The following ALDH1A2 variants were observed in gnomAD, a reference collection of about 807,000 sequenced individuals.
ALDH1A2 encodes aldehyde dehydrogenase 1 family member A2.
Under a neutral mutation model 60.3 loss-of-function variants are expected in ALDH1A2, and 27 were observed. That is an observed-to-expected ratio of 0.45 (90% CI 0.33 to 0.62). The LOEUF is 0.62. ALDH1A2 is among the 20% of genes least tolerant of loss of function. ALDH1A2 has a pLI of 0.02. For missense variants in ALDH1A2, 581 were observed against 643.8 expected (o/e 0.90, Z 1.06); for synonymous variants, 289 against 232.4 (o/e 1.24, Z -2.21).
chr15:57,956,856 G>A (rs1455014475), intron 12 of ALDH1A2, among the ~76,000 whole-genome samples: 2 of 152,174 alleles, frequency 1.3e-5, no homozygotes, highest in Non-Finnish European at 2.9e-5. Context: ...TCACCCCCAT[G>A]TGACTCTCTA....
intron 7 of ALDH1A2, among the ~76,000 whole-genome samples, chr15:57,973,858 C>G (rs1254803114): frequency 6.6e-6 from 1 of 152,174 alleles, no homozygotes; most frequent in African/African-American, 2.4e-5. Context: ...AAAACTTGCT[C>G]TATTCACACT....
At chr15:58,049,823 A>G (rs1172168786) in intron 1 of ALDH1A2, among the ~76,000 whole-genome samples, 1 of 152,062 alleles carries the variant, frequency 6.6e-6, no homozygotes, top group Non-Finnish European at 1.5e-5. Flanking sequence ...AATGGCTTTT[A>G]TGTACCCCCC....
intron 1 of ALDH1A2, among the ~76,000 whole-genome samples, chr15:58,019,665 T>C (rs1895871294): frequency 6.6e-6 from 1 of 152,214 alleles, no homozygotes; most frequent in African/African-American, 2.4e-5. Flanking sequence ...TTCATATCCC[T>C]TTCTTTCCAT....
chr15:57,968,190 G>A (rs1371937114), intron 7 of ALDH1A2, among the ~76,000 whole-genome samples: 1 of 152,146 alleles, frequency 6.6e-6, no homozygotes, highest in East Asian at 1.9e-4. Context: ...TTCTCAACAA[G>A]ACAATTACTG....
At chr15:58,029,425 G>A (rs2140537823) in intron 1 of ALDH1A2, among the ~76,000 whole-genome samples, 1 of 152,184 alleles carries the variant, frequency 6.6e-6, no homozygotes, top group Admixed American at 6.6e-5. Context: ...AGCAGTAAAT[G>A]CCCACAAGAG....
intron 7 of ALDH1A2, among the ~76,000 whole-genome samples, chr15:57,977,836 G>A (rs1339921041): frequency 3.3e-5 from 5 of 151,540 alleles, no homozygotes; most frequent in Non-Finnish European, 7.4e-5. Flanking sequence ...CCATGAGTAT[G>A]GAATGTTTTT....
chr15:57,957,059 C>G (rs957820114), intron 12 of ALDH1A2, among the ~76,000 whole-genome samples: 4 of 152,122 alleles, frequency 2.6e-5, no homozygotes, highest in African/African-American at 9.7e-5. Flanking sequence ...AATCTGCTAC[C>G]AAAAGAACTG....
rs371028737 is a variant in ALDH1A2 at position 57,992,698 on chromosome 15, T to C, written c.798+7A>G. 5.5e-5 allele frequency: 88 copies of C among 1,613,202 alleles called. No homozygotes were observed. In the Middle Eastern group the frequency reaches 6.6e-4, roughly 12 times the overall value. On this transcript the variant is annotated splice_region_variant and intron_variant, in intron 7 of 12. Transcript: ENST00000249750. ...GTTCCTCAAGCCCTGGTTTTTCAGA[T>C]ACCTACCTCAGTAGACCCTGTGAAT...
intron 4 of ALDH1A2, among the ~76,000 whole-genome samples, chr15:57,996,647 G>A (rs1168402160): frequency 1.3e-5 from 2 of 151,666 alleles, no homozygotes; most frequent in East Asian, 1.9e-4. Context: ...TATAAATAAT[G>A]CTGCAAAGAC....
intron 1 of ALDH1A2, among the ~76,000 whole-genome samples, chr15:58,052,353 AT>A (rs1896796266): frequency 6.6e-6 from 1 of 152,178 alleles, no homozygotes; most frequent in Non-Finnish European, 1.5e-5. Flanking sequence ...GGGTAAAGAA[AT>A]CTTATAGCTT....
At chr15:57,995,054 C>A in intron 5 of ALDH1A2, 24 bp downstream of exon 5, 1 of 1,591,510 alleles carries the variant, frequency 6.3e-7, no homozygotes, top group Non-Finnish European at 8.6e-7. Context: ...AAAATAAATA[C>A]GAGGTGCGAG....
intron 1 of ALDH1A2, among the ~76,000 whole-genome samples, chr15:58,018,682 C>G (rs1458552154): frequency 6.6e-6 from 1 of 152,120 alleles, no homozygotes; most frequent in Non-Finnish European, 1.5e-5. Context: ...ATATCATGTG[C>G]AGCTGATATG....
chr15:57,980,188 G>C, intron 7 of ALDH1A2: 1 of 294,638 alleles, frequency 3.4e-6, no homozygotes, highest in Non-Finnish European at 7.1e-6. Flanking sequence ...CGTCACTGAA[G>C]TTCTGCTCCT....
At chr15:57,955,360 A>T in intron 12 of ALDH1A2, 91 bp from the exon 13 acceptor site, 1 of 1,324,726 alleles carries the variant, frequency 7.5e-7, no homozygotes, top group South Asian at 1.2e-5. Context: ...GCAGTTTATC[A>T]CCTGCGAACA....
chr15:58,043,885 A>G (rs185729380), intron 1 of ALDH1A2, among the ~76,000 whole-genome samples: 140 of 152,134 alleles, frequency 9.2e-4, no homozygotes, highest in South Asian at 2.3e-3. Context: ...GGTTAGGAAG[A>G]GACAGATTCA....
chr15:58,023,726 C>T (rs1190817025), intron 1 of ALDH1A2, among the ~76,000 whole-genome samples: 1 of 150,868 alleles, frequency 6.6e-6, no homozygotes. Context: ...CAAATGAGGG[C>T]GAAATAGACT....
At chr15:57,975,545 C>A (rs1894219690) in intron 7 of ALDH1A2, among the ~76,000 whole-genome samples, 1 of 152,160 alleles carries the variant, frequency 6.6e-6, no homozygotes, top group Non-Finnish European at 1.5e-5. Flanking sequence ...TTCCTTTGAG[C>A]ATGATGTTGG....
chr15:58,017,989 A>T (rs895348838), intron 1 of ALDH1A2, among the ~76,000 whole-genome samples: 12 of 152,148 alleles, frequency 7.9e-5, no homozygotes, highest in Non-Finnish European at 1.5e-4. Flanking sequence ...TGGAATAACA[A>T]ATATCTTCAT....
chr15:57,972,616 A>T (rs1566933232), intron 7 of ALDH1A2, among the ~76,000 whole-genome samples: 1 of 152,166 alleles, frequency 6.6e-6, no homozygotes, highest in African/African-American at 2.4e-5. Context: ...TAAATCATGG[A>T]ATCTCATCCA....
Sources: allele counts gnomAD v4.1 joint callset (sites outside exome capture counted in the v4.1 genomes callset), GRCh38; gene constraint gnomAD v4.1.1; transcripts MANE v1.5; gene names NCBI Gene and HGNC (gene_info 2026-07-23, HGNC 2026-07-21).